Variants in HYAL4 observed in about 807,000 individuals in gnomAD.
HYAL4 encodes the protein hyaluronidase 4.
Under a neutral mutation model 35.2 loss-of-function variants are expected in HYAL4, and 37 were observed. The ratio of observed to expected loss-of-function variants is 1.05; its 90% CI spans 0.81 to 1.38. The LOEUF (loss-of-function observed/expected upper bound fraction) is 1.38. Ranked by LOEUF, HYAL4 falls within the 40% of genes most tolerant of loss-of-function variation. The pLI, the probability that HYAL4 is intolerant of heterozygous loss-of-function variation, is 0.00. For missense variants in HYAL4, 572 were observed against 572.4 expected, an observed-to-expected ratio of 1.00 and a Z score of 0.01; for synonymous variants, 198 against 203.2, an observed-to-expected ratio of 0.97 and a Z score of 0.22.
At chr7:123,831,877 C>T (rs1805888358) in intron 1 of HYAL4, among the ~76,000 whole-genome samples, 1 of 152,116 alleles carries the variant, frequency 6.6e-6, no homozygotes, top group African/African-American at 2.4e-5. Context: ...AGTAGAACCC[C>T]TCATAATTAT....
At chr7:123,818,310 G>T in the HYAL4 span, among the ~76,000 whole-genome samples, 2,896 of 152,228 alleles carry the variant, frequency 0.019, 37 homozygotes, top group South Asian at 0.032. Flanking sequence ...TCTCTGGATG[G>T]ACTGTGATTT....
At chr7:123,836,698 A>C (rs1805969685) in intron 1 of HYAL4, among the ~76,000 whole-genome samples, 1 of 151,414 alleles carries the variant, frequency 6.6e-6, no homozygotes, top group African/African-American at 2.4e-5. Context: ...TGCTTTAAAG[A>C]GGTTCTGTTT....
chr7:123,777,025 T>C, the HYAL4 span, among the ~76,000 whole-genome samples: 10,064 of 152,148 alleles, frequency 0.066, 421 homozygotes, highest in East Asian at 0.11. Flanking sequence ...TCCTGGGAAA[T>C]ACGTAGGAGA....
the HYAL4 span, among the ~76,000 whole-genome samples, chr7:123,818,975 A>G: frequency 6.6e-6 from 1 of 152,150 alleles, no homozygotes; most frequent in Non-Finnish European, 1.5e-5. Flanking sequence ...ATTTTTCAAG[A>G]ATACAATATG....
chr7:123,791,832 A>G, the HYAL4 span, among the ~76,000 whole-genome samples: 1 of 152,244 alleles, frequency 6.6e-6, no homozygotes, highest in African/African-American at 2.4e-5. Flanking sequence ...CTCAAGACAT[A>G]GCATTTAATG....
the HYAL4 span, among the ~76,000 whole-genome samples, chr7:123,765,285 C>G: frequency 6.6e-6 from 1 of 152,094 alleles, no homozygotes; most frequent in Admixed American, 6.5e-5. Flanking sequence ...AAATGTTGTT[C>G]TCTAAGCAAG....
At chr7:123,869,562 G>A (rs1316196746) in intron 3 of HYAL4, among the ~76,000 whole-genome samples, 1 of 152,180 alleles carries the variant, frequency 6.6e-6, no homozygotes, top group Non-Finnish European at 1.5e-5. Flanking sequence ...GCAGTGAGCA[G>A]GTTAGACAAT....
chr7:123,838,088 T>C (rs897054637), intron 1 of HYAL4, among the ~76,000 whole-genome samples: 1 of 152,126 alleles, frequency 6.6e-6, no homozygotes, highest in Admixed American at 6.5e-5. Context: ...CCTGAGGAAT[T>C]GCCACACTGA....
intron 2 of HYAL4, among the ~76,000 whole-genome samples, chr7:123,854,474 A>G (rs1055698471): frequency 2.0e-5 from 3 of 152,124 alleles, no homozygotes; most frequent in Non-Finnish European, 4.4e-5. Context: ...TCATTTCATT[A>G]TTTACCCAGA....
the HYAL4 span, among the ~76,000 whole-genome samples, chr7:123,794,687 C>T: frequency 6.6e-6 from 1 of 152,222 alleles, no homozygotes; most frequent in East Asian, 1.9e-4. Flanking sequence ...ATTTGGAAAC[C>T]TCTGCCTAGA....
Position 123,845,415 on chromosome 7 carries a change from G to T in HYAL4, c.-392G>T, listed in dbSNP as rs1031561610. On this transcript the variant is annotated 5_prime_UTR_variant, in exon 1 of 5. Coordinates refer to ENST00000223026, the MANE Select transcript of HYAL4 (RefSeq NM_012269.3). ...GTAGAGATGGGGTTTCACCATATTG[G>T]CCAGAATGGTTTTGCATTCCTGACC... 6.6e-6 allele frequency: 1 copy of T among 151,726 alleles called. No individual in the cohort carries two copies. The highest frequency in any genetic ancestry group is 1.5e-5 in the Non-Finnish European group (1 of 67,948). The allele number at this position is 151,726 out of a possible 1,614,324, so 9.4% of individuals were successfully genotyped here.
chr7:123,861,450 T>C (rs1420546110), intron 2 of HYAL4, among the ~76,000 whole-genome samples: 1 of 152,216 alleles, frequency 6.6e-6, no homozygotes, highest in African/African-American at 2.4e-5. Context: ...AAAAATGTGA[T>C]CCTAAGACTT....
chr7:123,811,815 A>G, the HYAL4 span, among the ~76,000 whole-genome samples: 4 of 151,970 alleles, frequency 2.6e-5, no homozygotes, highest in African/African-American at 9.7e-5. Flanking sequence ...TATATTTTAC[A>G]TCTAAGTATT....
At chr7:123,828,090 GGACACACCA>G (rs1208889825), upstream of HYAL4, among the ~76,000 whole-genome samples, 1 of 151,974 alleles carries the variant, frequency 6.6e-6, no homozygotes, top group East Asian at 1.9e-4. Flanking sequence ...CCAATGCTAT[GGACACACCA>G]ATGAAATACC....
rs770521870 is a variant in HYAL4 at position 123,868,880 on chromosome 7, A to G, written c.607A>G (p.Ile203Val). ...TGCAAAAGCTTTCATGAAGGAAACC[A>G]TCAAATTGGGAATTAAGAGCCGACC... Reference protein sequence around the residue: ...ESAKAFMKETIKLGIKSRPKG... With the variant: ...ESAKAFMKETVKLGIKSRPKG... Residue 203 changes from isoleucine (I) to valine (V), a missense_variant, in exon 3 of 5, where the codon ATC becomes GTC. Ile to Val is a conservative substitution (Grantham distance 29). Coordinates refer to ENST00000223026, the MANE Select transcript of HYAL4 (RefSeq NM_012269.3). The G allele has an allele frequency of 1.2e-6, 2 of 1,614,222 alleles. No individual in the cohort carries two copies. Among genetic ancestry groups the G allele is most frequent in the Non-Finnish European group, 1.7e-6 (2 of 1,180,024 alleles).
chr7:123,798,974 A>C, the HYAL4 span, among the ~76,000 whole-genome samples: 1 of 152,166 alleles, frequency 6.6e-6, no homozygotes, highest in Admixed American at 6.5e-5. Flanking sequence ...GCCATTGAAG[A>C]GCTTTGAGCA....
the HYAL4 span, chr7:123,819,417 A>G: frequency 6.6e-6 from 1 of 152,606 alleles, no homozygotes; most frequent in Non-Finnish European, 1.5e-5. Flanking sequence ...GGATATGAAT[A>G]TTCTGCTTCA....
At chr7:123,812,635 T>G in the HYAL4 span, among the ~76,000 whole-genome samples, 9 of 152,148 alleles carry the variant, frequency 5.9e-5, no homozygotes, top group African/African-American at 2.2e-4. Context: ...TCTAAAAAAT[T>G]TATTGTGATA....
the HYAL4 span, among the ~76,000 whole-genome samples, chr7:123,808,289 T>C: frequency 6.6e-6 from 1 of 152,112 alleles, no homozygotes; most frequent in South Asian, 2.1e-4. Flanking sequence ...GATGATTTCA[T>C]AGTACATAAG....
Sources: gnomAD v4.1 joint callset for allele counts (sites outside exome capture counted in the v4.1 genomes callset) on GRCh38, gnomAD v4.1.1 for gene constraint, MANE v1.5 for transcripts, NCBI Gene and HGNC (gene_info 2026-07-23, HGNC 2026-07-21) for gene names.